Variants in OVCH1 observed in about 807,000 individuals in gnomAD.
OVCH1 encodes ovochymase-1.
A neutral mutation model predicts 138.4 loss-of-function variants in OVCH1; 139 were observed. The observed-to-expected ratio is 1.00, with a 90% CI of 0.87 to 1.16. The LOEUF (loss-of-function observed/expected upper bound fraction) is 1.16, where lower values mean the gene tolerates loss of function less well. OVCH1 is among the 50% of genes most tolerant of loss of function. The pLI is 0.00. For missense variants in OVCH1, 1,367 were observed against 1,357.9 expected (o/e 1.01, Z -0.11); for synonymous variants, 453 against 467.8 (o/e 0.97, Z 0.41).
At chr12:29,424,320 G>T (rs1185769253), downstream of OVCH1, among the ~76,000 whole-genome samples, 2 of 152,170 alleles carry the variant, frequency 1.3e-5, no homozygotes, top group Non-Finnish European at 2.9e-5. Flanking sequence ...TCCATCCTGG[G>T]TGGGCCAGGT....
intron 9 of OVCH1, among the ~76,000 whole-genome samples, chr12:29,478,270 C>G (rs916485805): frequency 1.3e-5 from 2 of 152,130 alleles, no homozygotes; most frequent in African/African-American, 2.4e-5. Flanking sequence ...ATGTAAAGTT[C>G]AAAGTGTATG....
At chr12:29,410,965 G>C (rs1415730203), downstream of OVCH1, among the ~76,000 whole-genome samples, 3 of 151,678 alleles carry the variant, frequency 2.0e-5, no homozygotes, top group South Asian at 2.1e-4. Context: ...ACATAGATTT[G>C]GTCTTTTCAC....
intron 18 of OVCH1, 144 bp downstream of exon 18, chr12:29,464,363 T>G: frequency 3.2e-6 from 3 of 938,706 alleles, no homozygotes; most frequent in Non-Finnish European, 4.9e-6. Context: ...ATTTACTTGC[T>G]GATCTGTTAC....
exon 12 of OVCH1, chr12:29,477,132 G>T (rs1488095275): frequency 2.5e-6 from 4 of 1,612,260 alleles, no homozygotes; most frequent in Admixed American, 3.3e-5. Context: ...GAGCACAAAT[G>T]AACCAATGAC....
intron 3 of OVCH1, among the ~76,000 whole-genome samples, chr12:29,414,954 A>G (rs1246150426): frequency 1.3e-5 from 2 of 152,210 alleles, no homozygotes; most frequent in East Asian, 3.8e-4. Context: ...TATTACAACT[A>G]CTTAAATACA....
chr12:29,458,802 TA>T (rs1942035574), intron 19 of OVCH1, among the ~76,000 whole-genome samples: 1 of 152,102 alleles, frequency 6.6e-6, no homozygotes, highest in Non-Finnish European at 1.5e-5. Flanking sequence ...AAAAATCTAA[TA>T]ATCTGATTTT....
rs753346252 is a variant in OVCH1, at chr12:29,491,081, T to G, written c.550+16A>C. ...GAGAGCTGGAAGAAGTATTAAGTCA[T>G]TTTGGTGTCTCTTACTTTTGGAAAT... On this transcript the variant is annotated intron_variant, in intron 5 of 27. Coordinates refer to ENST00000318184, the Ensembl canonical transcript of OVCH1. The G allele has an allele frequency of 1.1e-5, 18 of 1,600,932 alleles. No homozygotes were observed. In the East Asian group the frequency reaches 3.8e-4, roughly 34 times the overall value.
intron 16 of OVCH1, among the ~76,000 whole-genome samples, chr12:29,471,047 C>T (rs1034004278): frequency 1.3e-5 from 2 of 151,962 alleles, no homozygotes; most frequent in African/African-American, 4.8e-5. Context: ...TATCCTTTGC[C>T]CACTTTTTGA....
chr12:29,438,468 A>G (rs1941405380), intron 26 of OVCH1, among the ~76,000 whole-genome samples: 1 of 72 alleles, frequency 0.014, no homozygotes, highest in South Asian at 0.5. Flanking sequence ...TCCCTCCAGA[A>G]AAAAAAAAAT....
At chr12:29,417,603 A>G (rs2135879959) in intron 3 of OVCH1, among the ~76,000 whole-genome samples, 1 of 152,224 alleles carries the variant, frequency 6.6e-6, no homozygotes, top group Non-Finnish European at 1.5e-5. Context: ...GGGTGCCTGT[A>G]CTATTTCTTA....
chr12:29,442,301 G>C (rs929638958), intron 25 of OVCH1, among the ~76,000 whole-genome samples: 1 of 151,078 alleles, frequency 6.6e-6, no homozygotes, highest in Admixed American at 6.6e-5. Context: ...CATAAAAAAT[G>C]ATGAGTTCAT....
downstream of OVCH1, among the ~76,000 whole-genome samples, chr12:29,423,862 G>A (rs1392033342): frequency 2.6e-5 from 4 of 152,186 alleles, no homozygotes; most frequent in Non-Finnish European, 4.4e-5. Flanking sequence ...TGGTGGAATG[G>A]AAGTGATGGG....
intron 3 of OVCH1, among the ~76,000 whole-genome samples, chr12:29,413,613 T>C (rs181791324): frequency 1.3e-5 from 2 of 152,286 alleles, no homozygotes; most frequent in East Asian, 1.9e-4. Context: ...ATCACCAAAA[T>C]GTGTTTATAT....
chr12:29,495,718 G>A (rs370169277), intron 3 of OVCH1, among the ~76,000 whole-genome samples: 4 of 151,976 alleles, frequency 2.6e-5, no homozygotes, highest in African/African-American at 9.7e-5. Context: ...ACAAACCATA[G>A]TTCACACATG....
At position 29,475,197 on chromosome 12, in the gene OVCH1, A is replaced by T; in HGVS notation, c.1472-8T>A. On this transcript the variant is annotated splice_polypyrimidine_tract_variant and splice_region_variant and intron_variant, in intron 13 of 27. Coordinates refer to ENST00000318184, the Ensembl canonical transcript of OVCH1. ...ACATTCCACAAAGTTTAGCTGAAAA[A>T]ATTTTAGGAAAGTTTGATTTATAGT... 1 of 1,429,646 alleles carries T rather than the reference A, an allele frequency of 7.0e-7. No individual in the cohort carries two copies. Among genetic ancestry groups the T allele is most frequent in the Non-Finnish European group, 9.2e-7 (1 of 1,085,380 alleles). 88.6% of individuals were successfully genotyped at this position (1,429,646 alleles called of 1,614,324 possible). A position where few individuals can be genotyped will look rare whatever the true frequency, so the allele number is the denominator to read the frequency against.
chr12:29,453,578 C>T (rs1941858321), intron 21 of OVCH1, among the ~76,000 whole-genome samples: 1 of 152,118 alleles, frequency 6.6e-6, no homozygotes, highest in Non-Finnish European at 1.5e-5. Context: ...TTCAGCCTCC[C>T]TTAATACTCC....
At chr12:29,436,812 G>T (rs1179012251) in intron 26 of OVCH1, among the ~76,000 whole-genome samples, 1 of 151,886 alleles carries the variant, frequency 6.6e-6, no homozygotes, top group Non-Finnish European at 1.5e-5. Flanking sequence ...AGACCCTCGT[G>T]GTGAGTGTTA....
At chr12:29,427,761 G>A in intron 27 of OVCH1, 2 of 1,387,974 alleles carry the variant, frequency 1.4e-6, no homozygotes, top group Non-Finnish European at 1.9e-6. Flanking sequence ...TAGCAACAGG[G>A]GTCTATATTC....
intron 9 of OVCH1, among the ~76,000 whole-genome samples, chr12:29,478,022 T>C (rs1942801954): frequency 6.6e-6 from 1 of 152,236 alleles, no homozygotes; most frequent in East Asian, 1.9e-4. Flanking sequence ...ATACTTTGTC[T>C]ATAACTTCCT....
Sources: gnomAD v4.1 joint callset for allele counts (sites outside exome capture counted in the v4.1 genomes callset) on GRCh38, gnomAD v4.1.1 for gene constraint, MANE v1.5 for transcripts, NCBI Gene and HGNC (gene_info 2026-07-23, HGNC 2026-07-21) for gene names.